The following GALNT18 variants were observed in gnomAD, a reference collection of about 807,000 sequenced individuals.
GALNT18 encodes polypeptide N-acetylgalactosaminyltransferase 18.
A neutral mutation model predicts 69.5 loss-of-function variants in GALNT18; 44 were observed. The observed-to-expected ratio is 0.63, with a 90% confidence interval of 0.50 to 0.81. The LOEUF (loss-of-function observed/expected upper bound fraction) is 0.81. Ranked by LOEUF, GALNT18 falls within the 40% of genes least tolerant of loss-of-function variation. The pLI is 0.00. For synonymous variants in GALNT18, 364 were observed against 318.2 expected (o/e 1.14, Z -1.53); for missense variants, 715 against 810.0 (o/e 0.88, Z 1.42).
intron 1 of GALNT18, among the ~76,000 whole-genome samples, chr11:11,510,035 A>G (rs1229951779): frequency 6.6e-6 from 1 of 152,238 alleles, no homozygotes; most frequent in Non-Finnish European, 1.5e-5. Flanking sequence ...AGAACACTCC[A>G]GACACTTCAC....
At chr11:11,519,539 T>A (rs577499285) in intron 1 of GALNT18, among the ~76,000 whole-genome samples, 107 of 152,266 alleles carry the variant, frequency 7.0e-4, no homozygotes, top group Non-Finnish European at 1.3e-3. Flanking sequence ...GAGGAATGGA[T>A]GTGGAGGGCA....
intron 10 of GALNT18, among the ~76,000 whole-genome samples, chr11:11,275,339 T>TCTC (rs36184506): frequency 7.8e-5 from 5 of 64,034 alleles, no homozygotes; most frequent in African/African-American, 2.0e-4. Flanking sequence ...TGCATAAATG[T>TCTC]CTTTTGAGAA....
At position 11,600,436 on chromosome 11, in the gene GALNT18, T is replaced by A. The variant is rs1859604461; in HGVS notation, c.235+20923A>T. 6.6e-6 allele frequency among the ~76,000 whole-genome samples: 1 copy of A among 152,138 alleles called. No individual in the cohort carries two copies. ...CTGTGTAATGATTCTTGGTTAACTT[T>A]TTTTTCTTTCAGCACTTTGAATATA... is the stretch of plus-strand genomic sequence containing the variant. On this transcript the variant is annotated intron_variant, in intron 1 of 10. Transcript: ENST00000227756. This position sits in a 1 kb window ranked among gnomAD's most constrained non-coding sequence, Gnocchi z 4.8.
At chr11:11,442,035 A>G (rs960296053) in intron 2 of GALNT18, among the ~76,000 whole-genome samples, 1 of 152,022 alleles carries the variant, frequency 6.6e-6, no homozygotes, top group Non-Finnish European at 1.5e-5. Flanking sequence ...TTATCATCTC[A>G]TCATGCTGGA....
rs58012512 is a variant in GALNT18 at position 11,419,596 on chromosome 11, CAAAAAAAAA to C, written c.595+13016_595+13024del. ...TGGGCAACAAAGCAAGATCCTGTCT[CAAAAAAAAA>C]AAAAAAAAAAAAAAAAAGAAAGAAG... On this transcript the variant is annotated intron_variant, in intron 3 of 10. Coordinates refer to ENST00000227756, the MANE Select transcript of GALNT18 (RefSeq NM_198516.3). Among the ~76,000 whole-genome samples, 86 of 26,630 alleles carry C rather than the reference CAAAAAAAAA, an allele frequency of 3.2e-3. 3 individuals carry two copies. Among genetic ancestry groups the C allele is most frequent in the South Asian group, 0.014 (9 of 642 alleles). The allele number at this position is 26,630 out of a possible 152,430, so 17.5% of individuals were successfully genotyped here.
At chr11:11,375,708 G>C (rs569320790) in intron 5 of GALNT18, among the ~76,000 whole-genome samples, 2 of 152,192 alleles carry the variant, frequency 1.3e-5, no homozygotes, top group Non-Finnish European at 2.9e-5. Flanking sequence ...AACAGGTTGC[G>C]ATGATGATCA....
At chr11:11,375,621 A>G (rs1354103192) in intron 5 of GALNT18, among the ~76,000 whole-genome samples, 3 of 152,216 alleles carry the variant, frequency 2.0e-5, no homozygotes, top group Admixed American at 2.0e-4. Context: ...TACCGCCCAG[A>G]GCCTTTGGCA....
rs1857166999 is a variant in GALNT18, at chr11:11,511,579, T to C, written c.236-62643A>G. Among the ~76,000 whole-genome samples the C allele has an allele frequency of 6.6e-6, 1 of 152,208 alleles. No homozygotes were observed. The highest frequency in any genetic ancestry group is 2.1e-4 in the South Asian group (1 of 4,826). On this transcript the variant is annotated intron_variant, in intron 1 of 10. Coordinates refer to ENST00000227756, the MANE Select transcript of GALNT18 (RefSeq NM_198516.3). This position sits in a 1 kb window ranked among gnomAD's most constrained non-coding sequence, Gnocchi z 4.9. ...TATCTCTCCAGAAAATGCATACATG[T>C]GCACACTGTGTTATGGAATGAAAGC...
In GALNT18 at chr11:11,543,601, C is replaced by T. The variant is rs1183367116; in HGVS notation, c.235+77758G>A. Reference sequence around the variant, plus strand: ...TGGGGAAGGGCAGGGCTGCATGGAACGGCAGAAAGGGCCTGGCTTCAGTGC... The same window carrying T: ...TGGGGAAGGGCAGGGCTGCATGGAATGGCAGAAAGGGCCTGGCTTCAGTGC... On this transcript the variant is annotated intron_variant, in intron 1 of 10. Transcript: ENST00000227756. This position sits in a 1 kb window ranked among gnomAD's most constrained non-coding sequence, Gnocchi z 5.1. Among the ~76,000 whole-genome samples the T allele has an allele frequency of 6.6e-5, 10 of 152,268 alleles. No homozygotes were observed. Among genetic ancestry groups the T allele is most frequent in the East Asian group, 5.8e-4 (3 of 5,174 alleles).
At chr11:11,576,908 C>G (rs1443779557) in intron 1 of GALNT18, among the ~76,000 whole-genome samples, 2 of 152,192 alleles carry the variant, frequency 1.3e-5, no homozygotes, top group East Asian at 3.9e-4. Context: ...GCCACAGAGA[C>G]AGAGCAGATG....
At chr11:11,445,263 C>G (rs1299098554) in intron 2 of GALNT18, among the ~76,000 whole-genome samples, 1 of 152,186 alleles carries the variant, frequency 6.6e-6, no homozygotes, top group Non-Finnish European at 1.5e-5. Context: ...GATATCATCT[C>G]CCCATGCCTC....
chr11:11,488,916 A>G (rs1856700276), intron 1 of GALNT18, among the ~76,000 whole-genome samples: 1 of 152,236 alleles, frequency 6.6e-6, no homozygotes, highest in Non-Finnish European at 1.5e-5. Flanking sequence ...GCTCTACTGT[A>G]GACCCCAAGG....
At chr11:11,578,154 C>T (rs1254319996) in intron 1 of GALNT18, among the ~76,000 whole-genome samples, 1 of 152,130 alleles carries the variant, frequency 6.6e-6, no homozygotes, top group African/African-American at 2.4e-5. Flanking sequence ...CCAGAAGGTG[C>T]TGAACTCCCA....
At chr11:11,536,376 A>G (rs1281560217) in intron 1 of GALNT18, among the ~76,000 whole-genome samples, 1 of 152,182 alleles carries the variant, frequency 6.6e-6, no homozygotes, top group African/African-American at 2.4e-5. Flanking sequence ...AGGCTGTTCA[A>G]CTAGGTCTGT....
rs1484954131 is a variant in GALNT18 at position 11,605,193 on chromosome 11, G to T, written c.235+16166C>A. On this transcript the variant is annotated intron_variant, in intron 1 of 10. Transcript: ENST00000227756. This position sits in a 1 kb window ranked among gnomAD's most constrained non-coding sequence, Gnocchi z 4.7. ...TCCTGTCTGGGGAAAGTGGAGAAGG[G>T]TCTGTGGTGCCAAACTCAGACCCAC... 6.6e-6 allele frequency among the ~76,000 whole-genome samples: 1 copy of T among 152,182 alleles called. No individual in the cohort carries two copies. The highest frequency in any genetic ancestry group is 1.5e-5 in the Non-Finnish European group (1 of 68,042).
chr11:11,471,798 C>G (rs373272894), intron 1 of GALNT18, among the ~76,000 whole-genome samples: 6 of 152,204 alleles, frequency 3.9e-5, no homozygotes, highest in African/African-American at 1.4e-4. Context: ...CATCTCCTGA[C>G]CAGTGGGGCC....
intron 8 of GALNT18, among the ~76,000 whole-genome samples, chr11:11,327,385 A>G (rs1849942125): frequency 6.6e-6 from 1 of 152,206 alleles, no homozygotes; most frequent in Admixed American, 6.5e-5. Context: ...TTTGCAGGAG[A>G]AACACTTACA....
At chr11:11,308,493 A>C (rs1299582178) in intron 9 of GALNT18, among the ~76,000 whole-genome samples, 2 of 151,544 alleles carry the variant, frequency 1.3e-5, no homozygotes, top group African/African-American at 2.4e-5. Flanking sequence ...CTCTTATCAA[A>C]CCCCCAGTAT....
chr11:11,289,965 T>TACTTCAGTTCAGGAATACCCATG (rs1319773381), intron 10 of GALNT18, among the ~76,000 whole-genome samples: 4 of 152,164 alleles, frequency 2.6e-5, no homozygotes, highest in African/African-American at 9.7e-5. Context: ...GCTGGAGGCT[T>TACTTCAGTTCAGGAATACCCATG]ACTTCAGTTC....
Sources: gnomAD v4.1 joint callset for allele counts (sites outside exome capture counted in the v4.1 genomes callset) on GRCh38, gnomAD v4.1.1 for gene constraint, Gnocchi (gnomAD v3.1) non-coding constraint, MANE v1.5 for transcripts, NCBI Gene and HGNC (gene_info 2026-07-23, HGNC 2026-07-21) for gene names.